The following SMARCAD1 variants were observed in gnomAD, a reference collection of about 807,000 sequenced individuals.
SMARCAD1 encodes SWI/SNF-related matrix-associated actin-dependent regulator of chromatin subfamily A containing DEAD/H box 1.
SMARCAD1 carries 25 observed loss-of-function variants against 127.1 expected under a neutral mutation model. The observed-to-expected ratio is 0.20, with a 90% CI of 0.14 to 0.27. The LOEUF (loss-of-function observed/expected upper bound fraction) is 0.27, where lower values mean the gene tolerates loss of function less well. Ranked by LOEUF, SMARCAD1 falls within the 10% of genes least tolerant of loss-of-function variation. SMARCAD1 has a pLI of 1.00. For missense variants in SMARCAD1, 807 were observed against 1,206.0 expected, an observed-to-expected ratio of 0.67 and a Z score of 4.90; for synonymous variants, 400 against 396.9, an observed-to-expected ratio of 1.01 and a Z score of -0.09.
At chr4:94,257,031 C>T (rs1421822429) in intron 9 of SMARCAD1, among the ~76,000 whole-genome samples, 1 of 152,008 alleles carries the variant, frequency 6.6e-6, no homozygotes, top group Non-Finnish European at 1.5e-5. Flanking sequence ...GTAAGAGTGA[C>T]ACACTGTGGC....
At chr4:94,225,972 A>AT in intron 2 of SMARCAD1, 147 bp from the exon 3 acceptor site, 2 of 727,366 alleles carry the variant, frequency 2.7e-6, no homozygotes, top group Non-Finnish European at 4.5e-6. Context: ...TTGATGATTA[A>AT]TTTTTTTCTT....
chr4:94,223,120 T>A (rs1185064968), intron 2 of SMARCAD1, among the ~76,000 whole-genome samples: 1 of 152,134 alleles, frequency 6.6e-6, no homozygotes, highest in African/African-American at 2.4e-5. Flanking sequence ...TAGACCCCCC[T>A]ACAGGTGAAA....
intron 2 of SMARCAD1, among the ~76,000 whole-genome samples, chr4:94,211,767 G>T (rs765157379): frequency 6.6e-5 from 10 of 152,240 alleles, no homozygotes; most frequent in Non-Finnish European, 1.2e-4. Context: ...TTGCCTGGAA[G>T]ACTCTTCCTG....
chr4:94,258,315 C>T (rs1750430751), intron 9 of SMARCAD1, among the ~76,000 whole-genome samples: 2 of 151,870 alleles, frequency 1.3e-5, no homozygotes, highest in Non-Finnish European at 2.9e-5. Flanking sequence ...CCACCACACC[C>T]GGTTAATTTT....
At chr4:94,284,039 T>C (rs1754485936) in intron 22 of SMARCAD1, among the ~76,000 whole-genome samples, 1 of 151,274 alleles carries the variant, frequency 6.6e-6, no homozygotes, top group Admixed American at 6.6e-5. Flanking sequence ...GAGGTGAAGA[T>C]AGCCGGGCAC....
intron 2 of SMARCAD1, among the ~76,000 whole-genome samples, chr4:94,212,641 C>A (rs1398962257): frequency 1.3e-5 from 2 of 152,074 alleles, no homozygotes; most frequent in Non-Finnish European, 2.9e-5. Flanking sequence ...TGCACACCAC[C>A]ACAGCCGGCT....
At chr4:94,248,164 C>T (rs935288536) in intron 6 of SMARCAD1, among the ~76,000 whole-genome samples, 5 of 152,228 alleles carry the variant, frequency 3.3e-5, no homozygotes, top group South Asian at 2.1e-4. Context: ...TGTGTTGCTG[C>T]GAAGAACATG....
chr4:94,250,882 AT>A (rs766143552), intron 8 of SMARCAD1, 49 bp downstream of exon 8: 11 of 1,397,964 alleles, frequency 7.9e-6, no homozygotes, highest in Non-Finnish European at 9.1e-6. Flanking sequence ...TATAGTCTGT[AT>A]TTTAGTATAT....
rs182039178 is a variant in SMARCAD1 at position 94,228,741 on chromosome 4, G to A, written c.368+2445G>A. On this transcript the variant is annotated intron_variant, in intron 3 of 23. Coordinates refer to ENST00000354268, the MANE Select transcript of SMARCAD1 (RefSeq NM_020159.5). ...TGGACAGACTACAGTTGGAGAACTA[G>A]CAGTCAGTCCCTGGACCATATTTTC... Among the ~76,000 whole-genome samples the A allele has an allele frequency of 3.5e-3, 535 of 151,980 alleles. 3 individuals carry two copies. In the Middle Eastern group the frequency reaches 0.055, roughly 16 times the overall value.
intron 6 of SMARCAD1, among the ~76,000 whole-genome samples, chr4:94,243,690 T>G (rs1162416301): frequency 6.6e-6 from 1 of 152,204 alleles, no homozygotes; most frequent in Non-Finnish European, 1.5e-5. Context: ...TAGTAGGTGA[T>G]CATAGAAAAT....
In SMARCAD1 at chr4:94,278,627, G is replaced by A. The variant is rs764184503; in HGVS notation, c.2190G>A (p.Gln730=). The change falls in exon 18 of 24, where the codon CAG becomes CAA. Residue 730 remains glutamine, a synonymous_variant. Coordinates refer to ENST00000354268, the MANE Select transcript of SMARCAD1 (RefSeq NM_020159.5). Reference sequence around the variant, plus strand: ...TTTTTCTGTCTCAGGTTCTCAAGCAGTTACCCCCCAAGAAAGATCGAATTG... The same window carrying A: ...TTTTTCTGTCTCAGGTTCTCAAGCAATTACCCCCCAAGAAAGATCGAATTG... ...LRRVKEEVLK[Q]LPPKKDRIEL... 1.9e-6 allele frequency: 3 copies of A among 1,613,954 alleles called. No individual in the cohort carries two copies. The highest frequency in any genetic ancestry group is 2.5e-6 in the Non-Finnish European group (3 of 1,179,976).
intron 2 of SMARCAD1, chr4:94,212,967 C>T: frequency 1.3e-6 from 1 of 793,838 alleles, no homozygotes; most frequent in Admixed American, 2.4e-5. Context: ...TTCTCGGTGC[C>T]CAAAGTTGTC....
rs1207556781 is a variant in SMARCAD1, at chr4:94,252,770, T to G, written c.1044T>G (p.Val348=). 6.2e-7 allele frequency: 1 copy of G among 1,610,742 alleles called. No homozygotes were observed. The highest frequency in any genetic ancestry group is 1.7e-5 in the Admixed American group (1 of 59,492). Residue 348 remains valine, a synonymous_variant, in exon 9 of 24, where the codon GTT becomes GTG. Coordinates refer to ENST00000354268, the MANE Select transcript of SMARCAD1 (RefSeq NM_020159.5). Reference sequence around the variant, plus strand: ...TTAACAAGAAACGTAAAAAAAATGTTTTTAATCCAAAGAGAGTTGTTGAAG... The same window carrying G: ...TTAACAAGAAACGTAAAAAAAATGTGTTTAATCCAAAGAGAGTTGTTGAAG... ...NGFNKKRKKN[V]FNPKRVVEDS...
At chr4:94,240,537 G>A (rs1165712982) in intron 5 of SMARCAD1, among the ~76,000 whole-genome samples, 1 of 152,138 alleles carries the variant, frequency 6.6e-6, no homozygotes, top group African/African-American at 2.4e-5. Flanking sequence ...TTTCTGTGAT[G>A]GTATTCAGAT....
At chr4:94,260,318 G>A (rs1750769977) in intron 9 of SMARCAD1, among the ~76,000 whole-genome samples, 1 of 152,012 alleles carries the variant, frequency 6.6e-6, no homozygotes, top group African/African-American at 2.4e-5. Context: ...TAATTCATTA[G>A]CCATTGCAAA....
intron 5 of SMARCAD1, among the ~76,000 whole-genome samples, chr4:94,238,608 G>A (rs1282730783): frequency 1.3e-5 from 2 of 151,414 alleles, no homozygotes; most frequent in Non-Finnish European, 2.9e-5. Flanking sequence ...GCAAGACCCT[G>A]TCTCAAAAGA....
At chr4:94,212,758 A>G (rs1020077516) in intron 2 of SMARCAD1, among the ~76,000 whole-genome samples, 25 of 152,200 alleles carry the variant, frequency 1.6e-4, no homozygotes, top group African/African-American at 5.1e-4. Context: ...AAGTGCTGGG[A>G]TTACAGACAT....
In SMARCAD1 at chr4:94,223,214, G is replaced by T. The variant is rs147098117; in HGVS notation, c.191-2905G>T. On this transcript the variant is annotated intron_variant, in intron 2 of 23. Transcript: ENST00000354268. Reference sequence around the variant, plus strand: ...CCTGTCTTCATTTTTAATAAAGAGGGCCGGGCGTGGTAGCTCACATCTGTA... The same window carrying T: ...CCTGTCTTCATTTTTAATAAAGAGGTCCGGGCGTGGTAGCTCACATCTGTA... 3.4e-3 allele frequency among the ~76,000 whole-genome samples: 524 copies of T among 152,132 alleles called. 1 individual carries two copies. Among genetic ancestry groups the T allele is most frequent in the African/African-American group, 0.012 (483 of 41,526 alleles).
intron 23 of SMARCAD1, among the ~76,000 whole-genome samples, chr4:94,287,718 G>GT (rs1020117909): frequency 2.7e-4 from 41 of 151,292 alleles, no homozygotes; most frequent in Admixed American, 1.2e-3. Flanking sequence ...TTGTGTTTGG[G>GT]TTTTTTTTCA....
Sources: gnomAD v4.1 joint callset for allele counts (sites outside exome capture counted in the v4.1 genomes callset) on GRCh38, gnomAD v4.1.1 for gene constraint, MANE v1.5 for transcripts, NCBI Gene and HGNC (gene_info 2026-07-23, HGNC 2026-07-21) for gene names.